TMED10: variants seen among roughly 807,000 people sequenced by gnomAD.
TMED10 encodes transmembrane p24 trafficking protein 10, also known as transmembrane emp24 domain-containing protein 10.
In TMED10, 7 loss-of-function variants were observed where a neutral mutation model predicts 23.1. The observed-to-expected ratio is 0.30, with a 90% CI of 0.17 to 0.57. The LOEUF (loss-of-function observed/expected upper bound fraction) is 0.57. Ranked by LOEUF, TMED10 falls within the 20% of genes least tolerant of loss-of-function variation. The pLI is 0.91. For synonymous variants in TMED10, 113 were observed against 106.9 expected, an observed-to-expected ratio of 1.06 and a Z score of -0.35; for missense variants, 162 against 274.8, an observed-to-expected ratio of 0.59 and a Z score of 2.90.
chr14:75,162,548 C>G (rs982397838), intron 1 of TMED10, among the ~76,000 whole-genome samples: 1 of 152,072 alleles, frequency 6.6e-6, no homozygotes, highest in African/African-American at 2.4e-5. Context: ...GCATAACTCC[C>G]CACTCCTTAA....
At chr14:75,168,949 A>T (rs1334211651) in intron 1 of TMED10, among the ~76,000 whole-genome samples, 1 of 152,228 alleles carries the variant, frequency 6.6e-6, no homozygotes, top group East Asian at 1.9e-4. Flanking sequence ...AATGGGACAC[A>T]TAGGGGACAC....
chr14:75,157,029 C>T (rs1287237838), intron 1 of TMED10, among the ~76,000 whole-genome samples: 1 of 152,160 alleles, frequency 6.6e-6, no homozygotes, highest in Non-Finnish European at 1.5e-5. Flanking sequence ...TTTGCCCTCT[C>T]CACAGGACAG....
At chr14:75,172,407 A>G (rs1170018955) in intron 1 of TMED10, among the ~76,000 whole-genome samples, 3 of 151,942 alleles carry the variant, frequency 2.0e-5, no homozygotes, top group South Asian at 2.1e-4. Context: ...TCCCAGGTTC[A>G]AGAGATTCTC....
intron 3 of TMED10, among the ~76,000 whole-genome samples, chr14:75,142,734 C>T (rs1416911058): frequency 6.6e-6 from 1 of 152,178 alleles, no homozygotes; most frequent in Non-Finnish European, 1.5e-5. Flanking sequence ...TTGTAATTGA[C>T]CTGTTCTGCC....
chr14:75,171,174 C>T (rs569230475), intron 1 of TMED10, among the ~76,000 whole-genome samples: 7 of 151,142 alleles, frequency 4.6e-5, no homozygotes, highest in Non-Finnish European at 8.8e-5. Context: ...TGATGATAGC[C>T]GGGGAAGGAG....
chr14:75,164,100 C>G (rs1187413619), intron 1 of TMED10, among the ~76,000 whole-genome samples: 1 of 151,722 alleles, frequency 6.6e-6, no homozygotes, highest in African/African-American at 2.4e-5. Context: ...GAGTTTTGCT[C>G]TGTCGTAAAG....
At chr14:75,149,294 A>G (rs184146679) in intron 2 of TMED10, among the ~76,000 whole-genome samples, 3 of 152,306 alleles carry the variant, frequency 2.0e-5, no homozygotes, top group African/African-American at 7.2e-5. Context: ...TTATCATAGA[A>G]GTAGGTTTGT....
At chr14:75,147,185 G>GTTTTTTTTTTGTTTTTTTTTTT (rs1491353231) in intron 3 of TMED10, among the ~76,000 whole-genome samples, 4 of 116,616 alleles carry the variant, frequency 3.4e-5, no homozygotes, top group African/African-American at 1.5e-4. Flanking sequence ...CTTCAAGGCT[G>GTTTTTTTTTTGTTTTTTTTTTT]TTTTTTTTTT....
At chr14:75,138,384 G>A (rs1895779247) in intron 3 of TMED10, among the ~76,000 whole-genome samples, 1 of 152,224 alleles carries the variant, frequency 6.6e-6, no homozygotes, top group Non-Finnish European at 1.5e-5. Flanking sequence ...TTAACGGTGT[G>A]ACTGGTAACT....
intron 3 of TMED10, among the ~76,000 whole-genome samples, chr14:75,136,443 G>A (rs1895750823): frequency 6.6e-6 from 1 of 152,166 alleles, no homozygotes; most frequent in Non-Finnish European, 1.5e-5. Context: ...ACAAGTGTGA[G>A]CCACCATGCC....
At chr14:75,145,697 G>C (rs1287296262) in intron 3 of TMED10, among the ~76,000 whole-genome samples, 1 of 152,170 alleles carries the variant, frequency 6.6e-6, no homozygotes, top group East Asian at 1.9e-4. Flanking sequence ...TGAGGCAGGA[G>C]AATGGCGTGA....
At chr14:75,169,369 A>G (rs1896202108) in intron 1 of TMED10, among the ~76,000 whole-genome samples, 1 of 152,242 alleles carries the variant, frequency 6.6e-6, no homozygotes, top group Non-Finnish European at 1.5e-5. Context: ...CCCTTATAAG[A>G]AAGACTGCCT....
intron 3 of TMED10, among the ~76,000 whole-genome samples, chr14:75,136,436 A>G (rs1037636157): frequency 6.6e-6 from 1 of 152,166 alleles, no homozygotes; most frequent in African/African-American, 2.4e-5. Flanking sequence ...TGGGACTACA[A>G]GTGTGAGCCA....
intron 1 of TMED10, among the ~76,000 whole-genome samples, chr14:75,173,113 C>T (rs766260072): frequency 3.8e-4 from 58 of 152,200 alleles, no homozygotes; most frequent in Non-Finnish European, 1.5e-4. Context: ...GGGCTAGGTG[C>T]AATGGCTCAT....
chr14:75,157,335 T>G (rs1352521714), intron 1 of TMED10, among the ~76,000 whole-genome samples: 1 of 152,208 alleles, frequency 6.6e-6, no homozygotes, highest in Non-Finnish European at 1.5e-5. Context: ...ACTTAGTAAC[T>G]TGTCCATTAT....
chr14:75,136,378 C>A (rs965240463), intron 3 of TMED10, among the ~76,000 whole-genome samples: 2 of 152,054 alleles, frequency 1.3e-5, no homozygotes, highest in Non-Finnish European at 2.9e-5. Flanking sequence ...AGGCTGGTCT[C>A]GAACTCCTAA....
chr14:75,141,198 G>A (rs1423249324), intron 3 of TMED10, among the ~76,000 whole-genome samples: 1 of 152,196 alleles, frequency 6.6e-6, no homozygotes, highest in East Asian at 1.9e-4. Context: ...GGAAGTGGGT[G>A]AGCTGGGTCT....
Position 75,176,282 on chromosome 14 carries a change from C to T in TMED10, c.225+73G>A, listed in dbSNP as rs1594878597. 5.7e-6 allele frequency: 9 copies of T among 1,579,674 alleles called. No homozygotes were observed. In the East Asian group the frequency reaches 2.0e-4, roughly 35 times the overall value. ...CTCCCAGGCCTCCGCCGGCCCGACT[C>T]CCCCGAACCCGAGCCTCCCCTCGCC... is the stretch of plus-strand genomic sequence containing the variant. On this transcript the variant is annotated intron_variant, in intron 1 of 4. Transcript: ENST00000303575.
At chr14:75,153,587 AT>A (rs1895982081) in intron 1 of TMED10, among the ~76,000 whole-genome samples, 1 of 152,220 alleles carries the variant, frequency 6.6e-6, no homozygotes. Flanking sequence ...CTACTTTGCA[AT>A]GTGGAACACA....
Sources: gnomAD v4.1 joint callset for allele counts (sites outside exome capture counted in the v4.1 genomes callset) on GRCh38, gnomAD v4.1.1 for gene constraint, MANE v1.5 for transcripts, NCBI Gene and HGNC (gene_info 2026-07-23, HGNC 2026-07-21) for gene names.